The following NF1 variants were observed in gnomAD, a reference collection of about 807,000 sequenced individuals.
The protein encoded by NF1 is neurofibromin 1.
A neutral mutation model predicts 325.7 loss-of-function variants in NF1; 122 were observed. The ratio of observed to expected loss-of-function variants is 0.37; its 90% CI spans 0.32 to 0.44. The LOEUF is 0.44. NF1 is among the 20% of genes least tolerant of loss of function. The pLI is 1.00. For missense variants in NF1, 2,140 were observed against 3,415.4 expected, an observed-to-expected ratio of 0.63 and a Z score of 9.31; for synonymous variants, 1,091 against 1,186.0, an observed-to-expected ratio of 0.92 and a Z score of 1.65.
intron 12 of NF1, among the ~76,000 whole-genome samples, chr17:31,209,636 CT>C (rs1243716364): frequency 3.3e-5 from 5 of 152,004 alleles, no homozygotes; most frequent in Non-Finnish European, 5.9e-5. Flanking sequence ...TTTTAGCTCT[CT>C]CTCTTTTTTT....
At chr17:31,291,520 A>G (rs2068342980) in intron 36 of NF1, among the ~76,000 whole-genome samples, 1 of 152,170 alleles carries the variant, frequency 6.6e-6, no homozygotes, top group Non-Finnish European at 1.5e-5. Flanking sequence ...TTCGATTGTG[A>G]TTTTAATAGA....
intron 40 of NF1, among the ~76,000 whole-genome samples, chr17:31,335,274 T>TTATATATATATATATATATA (rs1172994332): frequency 1.5e-4 from 1 of 6,700 alleles, no homozygotes; most frequent in Non-Finnish European, 3.9e-4. Flanking sequence ...CAAGGCATAA[T>TTATATATATATATATATATA]TATATATATA....
chr17:31,331,548 A>G (rs573826985), intron 39 of NF1: 5 of 152,330 alleles, frequency 3.3e-5, no homozygotes, highest in Admixed American at 1.3e-4. Context: ...AATAATTAAA[A>G]CATACATGTG....
chr17:31,356,715 A>G, intron 52 of NF1, 133 bp downstream of exon 52: 2 of 1,299,918 alleles, frequency 1.5e-6, no homozygotes, highest in South Asian at 2.7e-5. Context: ...CTCAAAAGAT[A>G]AACTCTACCA....
intron 29 of NF1, among the ~76,000 whole-genome samples, chr17:31,242,804 A>G (rs1182821633): frequency 6.6e-6 from 1 of 152,162 alleles, no homozygotes; most frequent in Non-Finnish European, 1.5e-5. Context: ...GCCTTCTTTA[A>G]TTCCTTCGGT....
At chr17:31,257,670 A>G (rs913087359) in intron 31 of NF1, 1 of 152,054 alleles carries the variant, frequency 6.6e-6, no homozygotes, top group Non-Finnish European at 1.5e-5. Flanking sequence ...TTCTGGTGAG[A>G]TCCTTTTTTC....
At chr17:31,139,473 C>T (rs1396261738) in intron 1 of NF1, among the ~76,000 whole-genome samples, 2 of 151,474 alleles carry the variant, frequency 1.3e-5, no homozygotes, top group Admixed American at 6.6e-5. Flanking sequence ...ATGTATACAT[C>T]TATTAAATTA....
chr17:31,207,930 A>G (rs1029110834), intron 12 of NF1, among the ~76,000 whole-genome samples: 2 of 152,168 alleles, frequency 1.3e-5, no homozygotes, highest in Non-Finnish European at 2.9e-5. Context: ...TTCACTTCCT[A>G]TTTAACTTCA....
At chr17:31,332,945 A>G (rs1023956726) in intron 39 of NF1, among the ~76,000 whole-genome samples, 1 of 152,154 alleles carries the variant, frequency 6.6e-6, no homozygotes, top group African/African-American at 2.4e-5. Context: ...GAATATTTGT[A>G]CAAAAAAAGA....
intron 8 of NF1, among the ~76,000 whole-genome samples, chr17:31,194,312 A>G (rs1447192835): frequency 1.3e-5 from 2 of 152,148 alleles, no homozygotes; most frequent in Non-Finnish European, 2.9e-5. Context: ...GAGTGTTCTC[A>G]TTCATATGTG....
intron 57 of NF1, among the ~76,000 whole-genome samples, chr17:31,369,481 A>G (rs1291103934): frequency 6.6e-6 from 1 of 152,162 alleles, no homozygotes; most frequent in Admixed American, 6.5e-5. Flanking sequence ...ACCACAGCAT[A>G]TCTGTGGGGT....
chr17:31,156,848 T>A (rs1302925219), intron 2 of NF1, among the ~76,000 whole-genome samples: 1 of 152,202 alleles, frequency 6.6e-6, no homozygotes, highest in African/African-American at 2.4e-5. Flanking sequence ...TTCCTCTCTC[T>A]AAATTCCTAT....
chr17:31,111,324 G>A (rs1228721048), intron 1 of NF1, among the ~76,000 whole-genome samples: 4 of 152,162 alleles, frequency 2.6e-5, no homozygotes, highest in Non-Finnish European at 5.9e-5. Context: ...GATTAGCATG[G>A]AAGCAAATAC....
At chr17:31,251,113 A>T in intron 30 of NF1, 2 of 196,766 alleles carry the variant, frequency 1.0e-5, no homozygotes, top group Non-Finnish European at 2.1e-5. Context: ...ATAGTATTTT[A>T]TTGAGTCTGC....
chr17:31,201,224 CTA>C, intron 10 of NF1, 65 bp downstream of exon 10: 1 of 1,592,354 alleles, frequency 6.3e-7, no homozygotes, highest in Non-Finnish European at 8.6e-7. Flanking sequence ...AACAAAAAGA[CTA>C]TAGAGATTAA....
chr17:31,225,595 T>C (rs968608418), intron 17 of NF1, among the ~76,000 whole-genome samples: 1 of 152,184 alleles, frequency 6.6e-6, no homozygotes, highest in African/African-American at 2.4e-5. Flanking sequence ...CACAGAAGTA[T>C]AGAATTCGTA....
intron 4 of NF1, among the ~76,000 whole-genome samples, chr17:31,167,096 A>G (rs1299517539): frequency 6.6e-6 from 1 of 152,134 alleles, no homozygotes; most frequent in African/African-American, 2.4e-5. Context: ...TGCTCTCTAT[A>G]AGGGTACCAG....
chr17:31,174,977 C>T (rs1019273842), intron 5 of NF1, among the ~76,000 whole-genome samples: 3 of 151,722 alleles, frequency 2.0e-5, no homozygotes, highest in South Asian at 4.2e-4. Flanking sequence ...GGTGTAGTGG[C>T]GCACGCCTGT....
At chr17:31,170,164 T>C (rs1238767841) in intron 5 of NF1, among the ~76,000 whole-genome samples, 167 bp downstream of exon 5, 1 of 152,212 alleles carries the variant, frequency 6.6e-6, no homozygotes, top group Non-Finnish European at 1.5e-5. Context: ...TATTTTTCAA[T>C]CTTTGAAAAT....
Sources: gnomAD v4.1 joint callset for allele counts (sites outside exome capture counted in the v4.1 genomes callset) on GRCh38, gnomAD v4.1.1 for gene constraint, MANE v1.5 for transcripts, NCBI Gene and HGNC (gene_info 2026-07-23, HGNC 2026-07-21) for gene names.